The following TAFA5 variants were observed in gnomAD, a reference collection of about 807,000 sequenced individuals.
The protein encoded by TAFA5 is chemokine-like protein TAFA-5.
In TAFA5, 6 loss-of-function variants were observed where a neutral mutation model predicts 15.3. That is an observed-to-expected ratio of 0.39 (90% CI 0.21 to 0.77). The LOEUF is 0.77. Ranked by LOEUF, TAFA5 falls within the 30% of genes least tolerant of loss-of-function variation. TAFA5 has a pLI of 0.41. For missense variants in TAFA5, 161 were observed against 193.1 expected (o/e 0.83, Z 0.98); for synonymous variants, 103 against 80.7 (o/e 1.28, Z -1.48).
intron 3 of TAFA5, among the ~76,000 whole-genome samples, chr22:48,718,719 G>A (rs1929479776): frequency 1.3e-5 from 2 of 152,280 alleles, no homozygotes; most frequent in African/African-American, 4.8e-5. Flanking sequence ...AGCCCTTTCG[G>A]ATTCTGGAAG....
chr22:48,698,173 A>ATGATGGTGG (rs1034471423), intron 2 of TAFA5, among the ~76,000 whole-genome samples: 4 of 147,786 alleles, frequency 2.7e-5, no homozygotes, highest in Non-Finnish European at 4.5e-5. Context: ...GATAGTAGTG[A>ATGATGGTGG]TGATGGTGGT....
intron 3 of TAFA5, among the ~76,000 whole-genome samples, chr22:48,740,472 AG>A (rs200243823): frequency 0.013 from 1,936 of 152,316 alleles, 19 homozygotes; most frequent in Non-Finnish European, 0.02. Flanking sequence ...CTGCTTAGTG[AG>A]CAAAAGTGGG....
intron 1 of TAFA5, among the ~76,000 whole-genome samples, chr22:48,577,635 CTAAT>C (rs796822797): frequency 1.0e-3 from 152 of 152,344 alleles, no homozygotes; most frequent in African/African-American, 3.6e-3. Context: ...GCTTTCCTGA[CTAAT>C]TAATGAGCCG....
At chr22:48,585,058 AAC>A (rs879784817) in intron 1 of TAFA5, among the ~76,000 whole-genome samples, 309 of 136,922 alleles carry the variant, frequency 2.3e-3, no homozygotes, top group Non-Finnish European at 3.7e-3. Context: ...CACTCACAAA[AAC>A]ATCACACACA....
At chr22:48,584,515 A>G (rs546839865) in intron 1 of TAFA5, among the ~76,000 whole-genome samples, 16 of 149,598 alleles carry the variant, frequency 1.1e-4, no homozygotes, top group Admixed American at 8.0e-4. Flanking sequence ...ACACACACAC[A>G]CACATACACA....
At chr22:48,542,355 A>G (rs1249906023) in intron 1 of TAFA5, among the ~76,000 whole-genome samples, 3 of 57,048 alleles carry the variant, frequency 5.3e-5, no homozygotes, top group African/African-American at 1.4e-4. Flanking sequence ...GTGTGTGTGC[A>G]TATGTGTGTG....
chr22:48,648,284 C>T (rs1290819167), intron 2 of TAFA5, among the ~76,000 whole-genome samples: 1 of 152,168 alleles, frequency 6.6e-6, no homozygotes, highest in Admixed American at 6.5e-5. Flanking sequence ...TCTGAGTTTC[C>T]TGACTCTGGT....
chr22:48,572,693 G>C (rs1311168682), intron 1 of TAFA5, among the ~76,000 whole-genome samples: 1 of 152,132 alleles, frequency 6.6e-6, no homozygotes, highest in Non-Finnish European at 1.5e-5. Flanking sequence ...TGATGAAGAA[G>C]ATCAATTATA....
In TAFA5 at chr22:48,548,778, C is replaced by T. The variant is rs530119170; in HGVS notation, c.112+59074C>T. ...GGTGAGAGCGTGCATGAGAGTTTTC[C>T]CAACAGTCGCCTAACAACCGAAGTC... On this transcript the variant is annotated intron_variant, in intron 1 of 3. Transcript: ENST00000402357. Among the ~76,000 whole-genome samples, 19 of 152,376 alleles carry T rather than the reference C, an allele frequency of 1.2e-4. No homozygotes were observed. In the South Asian group the frequency reaches 3.7e-3, roughly 30 times the overall value.
chr22:48,590,641 G>C (rs746206593), intron 1 of TAFA5, among the ~76,000 whole-genome samples: 1 of 152,086 alleles, frequency 6.6e-6, no homozygotes, highest in African/African-American at 2.4e-5. Flanking sequence ...CTGTGACTCT[G>C]AGAGCCCACC....
At chr22:48,576,186 T>G (rs2147141692) in intron 1 of TAFA5, 1 of 188,800 alleles carries the variant, frequency 5.3e-6, no homozygotes. Flanking sequence ...CCAGCGATGG[T>G]GGCCGAGTGG....
At chr22:48,603,448 C>T (rs908297101) in intron 1 of TAFA5, among the ~76,000 whole-genome samples, 1 of 152,244 alleles carries the variant, frequency 6.6e-6, no homozygotes, top group Non-Finnish European at 1.5e-5. Flanking sequence ...GGGTGTCTGA[C>T]GGTCTCCTTG....
intron 1 of TAFA5, among the ~76,000 whole-genome samples, chr22:48,609,770 G>T (rs1601613203): frequency 6.6e-6 from 1 of 152,156 alleles, no homozygotes; most frequent in African/African-American, 2.4e-5. Context: ...CCGCAGGTCC[G>T]CTTCCTTCTG....
intron 2 of TAFA5, among the ~76,000 whole-genome samples, chr22:48,656,145 G>A (rs1381076712): frequency 1.3e-5 from 2 of 151,960 alleles, no homozygotes; most frequent in East Asian, 3.9e-4. Context: ...CCCGGCCGAC[G>A]CTGATTCTTT....
At chr22:48,618,005 A>G (rs1925673526) in intron 1 of TAFA5, among the ~76,000 whole-genome samples, 1 of 152,224 alleles carries the variant, frequency 6.6e-6, no homozygotes, top group African/African-American at 2.4e-5. Context: ...AGGGAAATTC[A>G]GGCCACTGGT....
In TAFA5 at chr22:48,660,650, A is replaced by G. The variant is rs562127720; in HGVS notation, c.262+13904A>G. Among the ~76,000 whole-genome samples, 4 of 152,328 alleles carry G rather than the reference A, an allele frequency of 2.6e-5. No homozygotes were observed. The East Asian group carries it at 7.7e-4, about 29-fold the overall frequency. ...GCGAATTCATCTCAGCACCTCGTGG[A>G]GGCAGATGACTGGAGCTGCGGAGGG... On this transcript the variant is annotated intron_variant, in intron 2 of 3. Transcript: ENST00000402357.
chr22:48,612,222 T>C (rs1925434345), intron 1 of TAFA5, among the ~76,000 whole-genome samples: 1 of 152,032 alleles, frequency 6.6e-6, no homozygotes, highest in Admixed American at 6.5e-5. Flanking sequence ...TTGTAATCCT[T>C]ATAGAAACAA....
intron 1 of TAFA5, among the ~76,000 whole-genome samples, chr22:48,535,475 G>A (rs1922124037): frequency 6.6e-6 from 1 of 152,402 alleles, no homozygotes; most frequent in Non-Finnish European, 1.5e-5. Flanking sequence ...ATACGCATAT[G>A]TGTAGGTGTG....
chr22:48,507,197 GC>G (rs1569162040), intron 1 of TAFA5, among the ~76,000 whole-genome samples: 1 of 121,878 alleles, frequency 8.2e-6, no homozygotes, highest in Non-Finnish European at 1.7e-5. Context: ...GGAGACGGCC[GC>G]CAAGGGCCAG....
Sources: gnomAD v4.1 joint callset for allele counts (sites outside exome capture counted in the v4.1 genomes callset) on GRCh38, gnomAD v4.1.1 for gene constraint, MANE v1.5 for transcripts, NCBI Gene and HGNC (gene_info 2026-07-23, HGNC 2026-07-21) for gene names.